ADGRE3: variants seen among roughly 807,000 people sequenced by gnomAD.
ADGRE3 encodes adhesion G protein-coupled receptor E3.
A neutral mutation model predicts 80.1 loss-of-function variants in ADGRE3; 88 were observed. The observed-to-expected ratio is 1.10, with a 90% CI of 0.93 to 1.31. The LOEUF (loss-of-function observed/expected upper bound fraction) is 1.31, where lower values mean the gene tolerates loss of function less well. ADGRE3 is among the 40% of genes most tolerant of loss of function. The pLI is 0.00. For synonymous variants in ADGRE3, 281 were observed against 294.8 expected, an observed-to-expected ratio of 0.95 and a Z score of 0.48; for missense variants, 715 against 776.5, an observed-to-expected ratio of 0.92 and a Z score of 0.94.
At chr19:14,663,925 C>T (rs957294151) in intron 2 of ADGRE3, among the ~76,000 whole-genome samples, 2 of 152,092 alleles carry the variant, frequency 1.3e-5, no homozygotes, top group Admixed American at 6.6e-5. Flanking sequence ...TCTCCTAATG[C>T]TATCCCTCCC....
At chr19:14,629,210 C>T (rs1010148322) in intron 14 of ADGRE3, among the ~76,000 whole-genome samples, 2 of 152,188 alleles carry the variant, frequency 1.3e-5, no homozygotes, top group African/African-American at 4.8e-5. Flanking sequence ...AGGCGTGAGC[C>T]ACTGCACCCT....
intron 2 of ADGRE3, among the ~76,000 whole-genome samples, chr19:14,665,892 A>C (rs1408940437): frequency 7.5e-6 from 1 of 134,132 alleles, no homozygotes; most frequent in Non-Finnish European, 1.6e-5. Flanking sequence ...TAAGATATAA[A>C]TTATATATTT....
chr19:14,606,491 C>G, the ADGRE3 span, among the ~76,000 whole-genome samples: 1 of 151,832 alleles, frequency 6.6e-6, no homozygotes, highest in Non-Finnish European at 1.5e-5. Flanking sequence ...TCAGGCTGGT[C>G]AACATGGCGA....
chr19:14,665,826 A>G (rs1261984367), intron 2 of ADGRE3, among the ~76,000 whole-genome samples: 1 of 148,214 alleles, frequency 6.7e-6, no homozygotes, highest in African/African-American at 2.5e-5. Flanking sequence ...AAATAAAATA[A>G]TATGTTACAT....
rs79729600 is a variant in ADGRE3, at chr19:14,650,879, A to T, written c.697+206T>A. Among the ~76,000 whole-genome samples, 832 of 152,092 alleles carry T rather than the reference A, an allele frequency of 5.5e-3. 11 individuals are homozygous for T. The highest frequency in any genetic ancestry group is 0.019 in the African/African-American group (793 of 41,506). ...AGAACAGCACTCCCCCACCATCCCAAATTGCAAAGTCCCTCCCATACTGAA... is the reference window on the plus strand; with the variant it reads ...AGAACAGCACTCCCCCACCATCCCATATTGCAAAGTCCCTCCCATACTGAA... On this transcript the variant is annotated intron_variant, in intron 7 of 15. Coordinates refer to ENST00000253673, the MANE Select transcript of ADGRE3 (RefSeq NM_032571.5).
intron 3 of ADGRE3, among the ~76,000 whole-genome samples, chr19:14,663,134 C>G (rs1033786452): frequency 2.0e-5 from 3 of 151,904 alleles, no homozygotes; most frequent in African/African-American, 7.3e-5. Context: ...TCTTGAGTAG[C>G]TGAGATTATA....
At chr19:14,646,179 G>A (rs1971393029) in intron 8 of ADGRE3, among the ~76,000 whole-genome samples, 1 of 152,170 alleles carries the variant, frequency 6.6e-6, no homozygotes, top group East Asian at 1.9e-4. Flanking sequence ...CTGGAGTGCA[G>A]TGGCGCGATC....
At chr19:14,673,565 A>G (rs2146920159) in intron 1 of ADGRE3, among the ~76,000 whole-genome samples, 1 of 152,338 alleles carries the variant, frequency 6.6e-6, no homozygotes, top group South Asian at 2.1e-4. Flanking sequence ...GTTTGGATTC[A>G]AATCCCAGCT....
chr19:14,637,967 T>C (rs1971143237), intron 11 of ADGRE3, 138 bp downstream of exon 11: 2 of 662,054 alleles, frequency 3.0e-6, no homozygotes, highest in Non-Finnish European at 5.3e-6. Context: ...CCCTGCTTTG[T>C]TGGGAAAGAG....
rs1041607684 is a variant in ADGRE3 at position 14,674,823 on chromosome 19, C to G, written c.-53G>C. On this transcript the variant is annotated 5_prime_UTR_variant, in exon 1 of 16. Transcript: ENST00000253673. ...CCAGCCCTGGAAGCTCTCTACTGTG[C>G]CGTAAGCCAACCACCTTTCCTAGCT... 5.0e-6 allele frequency: 8 copies of G among 1,591,950 alleles called. No individual in the cohort carries two copies. The African/African-American group carries it at 9.5e-5, about 19-fold the overall frequency.
intron 6 of ADGRE3, among the ~76,000 whole-genome samples, chr19:14,654,160 C>T (rs1256642282): frequency 1.3e-5 from 2 of 151,880 alleles, no homozygotes; most frequent in Non-Finnish European, 2.9e-5. Context: ...ACCATGTTGC[C>T]CAGGCTGATC....
rs1394449512 is a variant in ADGRE3 at position 14,619,945 on chromosome 19, T to C, written c.1921-474A>G. Among the ~76,000 whole-genome samples, 6 of 152,200 alleles carry C rather than the reference T, an allele frequency of 3.9e-5. No individual in the cohort carries two copies. In the East Asian group the frequency reaches 1.2e-3, roughly 29 times the overall value. ...AGAAGCCTATGAGGTTAGTGCTTCC[T>C]AGCCTAGTTATAAGAGTTGTGGGCA... On this transcript the variant is annotated intron_variant, in intron 15 of 15. Transcript: ENST00000253673.
At chr19:14,620,474 TGAGTACATA>T (rs1970528210) in intron 15 of ADGRE3, among the ~76,000 whole-genome samples, 1 of 30,576 alleles carries the variant, frequency 3.3e-5, no homozygotes, top group Non-Finnish European at 7.0e-5. Context: ...GAATATATTA[TGAGTACATA>T]TGAATATATA....
rs368718542 is a variant in ADGRE3, at chr19:14,621,250, C to T, written c.1921-1779G>A. Among the ~76,000 whole-genome samples the T allele has an allele frequency of 9.4e-4, 143 of 152,020 alleles. No individual in the cohort carries two copies. In the South Asian group the frequency reaches 0.025, roughly 27 times the overall value. ...GGCGGATCACTTGAGATCAGGAGTT[C>T]GAGACCAGCCTGGCCAACATGGTGA... On this transcript the variant is annotated intron_variant, in intron 15 of 15. Transcript: ENST00000253673.
At position 14,620,548 on chromosome 19, in the gene ADGRE3, T is replaced by TGTA; in HGVS notation, c.1921-1078_1921-1077insTAC. Among the ~76,000 whole-genome samples the TGTA allele has an allele frequency of 1.6e-4, 4 of 24,982 alleles. 1 individual carries two copies. The highest frequency in any genetic ancestry group is 2.5e-4 in the Non-Finnish European group (4 of 16,070). 16.4% of individuals were successfully genotyped at this position (24,982 alleles called of 152,430 possible). On this transcript the variant is annotated intron_variant, in intron 15 of 15. Coordinates refer to ENST00000253673, the MANE Select transcript of ADGRE3 (RefSeq NM_032571.5). ...TGAATATATATATTTTATATATATA[T>TGTA]TATATATATATATATATATATTTTT...
At chr19:14,625,147 T>G (rs1237976922) in intron 15 of ADGRE3, among the ~76,000 whole-genome samples, 1 of 152,106 alleles carries the variant, frequency 6.6e-6, no homozygotes, top group Non-Finnish European at 1.5e-5. Flanking sequence ...ACCCGGCTAA[T>G]TTTTGTATTT....
intron 2 of ADGRE3, among the ~76,000 whole-genome samples, chr19:14,666,884 A>ATACC (rs1421653788): frequency 1.3e-5 from 2 of 152,186 alleles, no homozygotes; most frequent in Non-Finnish European, 2.9e-5. Context: ...CCAGGACTTA[A>ATACC]TACCTTACCA....
Position 14,654,926 on chromosome 19 carries a change from C to T in ADGRE3, c.577+56G>A, listed in dbSNP as rs1971711229. ...ATTTTTTTTTTCTAATTGCCTAACC[C>T]AGATCCCAGCTGCTAACCAGTCCCC... On this transcript the variant is annotated intron_variant, in intron 6 of 15. Coordinates refer to ENST00000253673, the MANE Select transcript of ADGRE3 (RefSeq NM_032571.5). 5 of 1,435,350 alleles carry T rather than the reference C, an allele frequency of 3.5e-6. No individual in the cohort carries two copies. The South Asian group carries it at 6.5e-5, about 19-fold the overall frequency. 88.9% of individuals were successfully genotyped at this position (1,435,350 alleles called of 1,614,324 possible).
At chr19:14,655,908 G>T (rs369462404) in intron 5 of ADGRE3, among the ~76,000 whole-genome samples, 114 of 152,214 alleles carry the variant, frequency 7.5e-4, no homozygotes, top group African/African-American at 2.7e-3. Flanking sequence ...GGTTGTCACT[G>T]TCGCAACAAG....
Sources: gnomAD v4.1 joint callset for allele counts (sites outside exome capture counted in the v4.1 genomes callset) on GRCh38, gnomAD v4.1.1 for gene constraint, MANE v1.5 for transcripts, NCBI Gene and HGNC (gene_info 2026-07-23, HGNC 2026-07-21) for gene names.